The following TLE3 variants were observed in gnomAD, a reference collection of about 807,000 sequenced individuals.
TLE3 encodes TLE family member 3, transcriptional corepressor, also known as transducin-like enhancer protein 3.
In TLE3, 14 loss-of-function variants were observed where a neutral mutation model predicts 93.0. The observed-to-expected ratio is 0.15, with a 90% confidence interval of 0.10 to 0.24. The LOEUF is 0.24. TLE3 is among the 10% of genes least tolerant of loss of function. The pLI is 1.00. For synonymous variants in TLE3, 451 were observed against 425.0 expected (o/e 1.06, Z -0.75); for missense variants, 693 against 1,046.6 (o/e 0.66, Z 4.66).
At position 70,095,556 on chromosome 15, in the gene TLE3, C is replaced by A. The variant is rs533117043; in HGVS notation, c.189+22G>T. On this transcript the variant is annotated intron_variant, in intron 3 of 19. Coordinates refer to ENST00000451782, the MANE Select transcript of TLE3 (RefSeq NM_001105192.3). ...CGGGGTCGGCGCCCCAACCGCCCCC[C>A]AGGCCCGCGGCCGCATCTCACCATC... The A allele has an allele frequency of 2.1e-4, 319 of 1,549,826 alleles. No individual in the cohort carries two copies. The African/African-American group carries it at 3.8e-3, about 19-fold the overall frequency.
intron 6 of TLE3, among the ~76,000 whole-genome samples, chr15:70,069,107 A>G (rs1472809679): frequency 6.6e-6 from 1 of 152,248 alleles, no homozygotes; most frequent in African/African-American, 2.4e-5. Flanking sequence ...TGTGAGTTCC[A>G]GAAACAGAGA....
At chr15:70,067,424 G>C (rs1416455321) in intron 6 of TLE3, among the ~76,000 whole-genome samples, 3 of 152,162 alleles carry the variant, frequency 2.0e-5, no homozygotes, top group Non-Finnish European at 4.4e-5. Flanking sequence ...ATGCTTAGGG[G>C]GCTGGAGTAG....
At position 70,082,336 on chromosome 15, in the gene TLE3, G is replaced by A. The variant is rs374020530; in HGVS notation, c.235-6178C>T. On this transcript the variant is annotated intron_variant, in intron 4 of 19. Transcript: ENST00000451782. ...AGAGGAAGAAATCCATGGGGGGGCC[G>A]GGGGACAGCCAACAAAAGCTGGGGT... Among the ~76,000 whole-genome samples, 452 of 152,080 alleles carry A rather than the reference G, an allele frequency of 3.0e-3. 4 individuals carry two copies. The highest frequency in any genetic ancestry group is 0.017 in the South Asian group (84 of 4,818).
Position 70,096,886 on chromosome 15 carries a change from CG to C in TLE3, c.-89del. On this transcript the variant is annotated 5_prime_UTR_variant, in exon 1 of 20. Coordinates refer to ENST00000451782, the MANE Select transcript of TLE3 (RefSeq NM_001105192.3). ...GGGGGAGGGGGGAGCCGAGCCCGAG[CG>C]GGGGGCGGCCGGGAAACCGAGAGCT... 1.4e-6 allele frequency: 2 copies of C among 1,456,278 alleles called. No individual in the cohort carries two copies. Among genetic ancestry groups the C allele is most frequent in the South Asian group, 1.2e-5 (1 of 83,246 alleles). 90.2% of individuals were successfully genotyped at this position (1,456,278 alleles called of 1,614,324 possible). A position where few individuals can be genotyped will look rare whatever the true frequency, so the allele number is the denominator to read the frequency against.
chr15:70,078,817 G>A (rs956879459), intron 4 of TLE3, among the ~76,000 whole-genome samples: 3 of 152,198 alleles, frequency 2.0e-5, no homozygotes, highest in Non-Finnish European at 4.4e-5. Context: ...GGCCTCCTCA[G>A]CAACTATTAA....
rs1213908929 is a variant in TLE3 at position 70,053,675 on chromosome 15, G to C, written c.1827-301C>G. ...TGAGTCCCTCCAGGGTGGGCCTCTGGAGGAGGTGGAGCTGGAGGCTCAGGA... is the reference window on the plus strand; with the variant it reads ...TGAGTCCCTCCAGGGTGGGCCTCTGCAGGAGGTGGAGCTGGAGGCTCAGGA... On this transcript the variant is annotated intron_variant, in intron 16 of 19. Transcript: ENST00000451782. The C allele has an allele frequency of 1.7e-5, 4 of 231,842 alleles. No individual in the cohort carries two copies. The East Asian group carries it at 3.5e-4, about 20-fold the overall frequency. 14.4% of individuals were successfully genotyped at this position (231,842 alleles called of 1,614,324 possible). A position where few individuals can be genotyped will look rare whatever the true frequency, so the allele number is the denominator to read the frequency against.
chr15:70,095,707 A>G (rs2058521755), intron 2 of TLE3, 66 bp from the exon 3 acceptor site: 10 of 1,530,798 alleles, frequency 6.5e-6, no homozygotes, highest in Non-Finnish European at 8.8e-6. Context: ...GCCCCGACCC[A>G]AGGGCCTCTA....
In TLE3 at chr15:70,058,723, G is replaced by A; in HGVS notation, c.858C>T (p.Ser286=). 1 of 1,609,926 alleles carries A rather than the reference G, an allele frequency of 6.2e-7. No individual in the cohort carries two copies. The highest frequency in any genetic ancestry group is 1.1e-5 in the South Asian group (1 of 90,056). Residue 286 remains serine (S), a synonymous_variant, in exon 11 of 20, where the codon AGC becomes AGT. Transcript: ENST00000451782. The surrounding 1 kb of genome is among the most constrained non-coding windows in gnomAD (Gnocchi z 4.1). ...TACTGGAAGAGGCCACCGAGGCAGGGCTGGTGGGGGCATCTTTTTTCAGGC... is the reference window on the plus strand; with the variant it reads ...TACTGGAAGAGGCCACCGAGGCAGGACTGGTGGGGGCATCTTTTTTCAGGC... ...ARSLKKDAPT[S]PASVASSSST...
In TLE3 at chr15:70,060,821, C is replaced by T. The variant is rs1403787696; in HGVS notation, c.595-172G>A. The T allele has an allele frequency of 5.3e-6, 6 of 1,128,124 alleles. No individual in the cohort carries two copies. The African/African-American group carries it at 7.7e-5, about 14-fold the overall frequency. The allele number at this position is 1,128,124 out of a possible 1,614,324, so 69.9% of individuals were successfully genotyped here. On this transcript the variant is annotated intron_variant, in intron 8 of 19. Transcript: ENST00000451782. ...TCAGAGCCTTGCCAGGGAAGCCTTC[C>T]CCACTCCCCTGAGACTGAGTCCCCG...
chr15:70,059,255 C>T (rs2056303196), intron 10 of TLE3, among the ~76,000 whole-genome samples, 155 bp downstream of exon 10: 1 of 151,998 alleles, frequency 6.6e-6, no homozygotes, highest in Non-Finnish European at 1.5e-5. Context: ...CTGCCCTGCT[C>T]CTCTTGACCC....
chr15:70,072,191 G>A (rs1595932649), intron 6 of TLE3, among the ~76,000 whole-genome samples: 1 of 152,176 alleles, frequency 6.6e-6, no homozygotes, highest in African/African-American at 2.4e-5. Context: ...GCCTCGAGCT[G>A]CCTCGACCTA....
intron 13 of TLE3, among the ~76,000 whole-genome samples, chr15:70,057,132 A>G (rs2056112534): frequency 6.6e-6 from 1 of 152,220 alleles, no homozygotes; most frequent in South Asian, 2.1e-4. Flanking sequence ...CTCCATGGAC[A>G]TCACCTGACT....
At chr15:70,071,243 G>C (rs1028071129) in intron 6 of TLE3, among the ~76,000 whole-genome samples, 2 of 152,134 alleles carry the variant, frequency 1.3e-5, no homozygotes, top group Non-Finnish European at 2.9e-5. Flanking sequence ...TTGGATCCAA[G>C]AAGCATGTAA....
chr15:70,088,013 C>T (rs1221474903), intron 4 of TLE3, among the ~76,000 whole-genome samples: 4 of 152,172 alleles, frequency 2.6e-5, no homozygotes, highest in African/African-American at 9.7e-5. Flanking sequence ...ATCAACTCTG[C>T]AGCAAACAGC....
At chr15:70,095,851 A>C in intron 2 of TLE3, 2 of 656,074 alleles carry the variant, frequency 3.0e-6, no homozygotes, top group South Asian at 3.9e-5. Flanking sequence ...CGCGAGCCAA[A>C]GGACTTATCA....
chr15:70,064,524 A>C, intron 7 of TLE3, 54 bp from the exon 8 acceptor site: 1 of 1,612,808 alleles, frequency 6.2e-7, no homozygotes, highest in Non-Finnish European at 8.5e-7. Context: ...CAAAACAAAA[A>C]GACAAAAAAG....
chr15:70,071,366 G>A (rs576555367), intron 6 of TLE3, among the ~76,000 whole-genome samples: 1 of 152,260 alleles, frequency 6.6e-6, no homozygotes, highest in Non-Finnish European at 1.5e-5. Flanking sequence ...CAGCAGGGGA[G>A]TGGGTAGGCT....
At chr15:70,080,751 T>G (rs2057734241) in intron 4 of TLE3, among the ~76,000 whole-genome samples, 1 of 152,192 alleles carries the variant, frequency 6.6e-6, no homozygotes, top group South Asian at 2.1e-4. Context: ...AACCACAGTC[T>G]AGTATTCACG....
intron 4 of TLE3, among the ~76,000 whole-genome samples, chr15:70,076,966 C>A (rs1297059454): frequency 6.6e-6 from 1 of 152,196 alleles, no homozygotes; most frequent in Non-Finnish European, 1.5e-5. Context: ...GATCTGCCCA[C>A]CTTGGCCTCC....
Sources: allele counts gnomAD v4.1 joint callset (sites outside exome capture counted in the v4.1 genomes callset), GRCh38; gene constraint gnomAD v4.1.1; non-coding constraint Gnocchi (gnomAD v3.1); transcripts MANE v1.5; gene names NCBI Gene and HGNC (gene_info 2026-07-23, HGNC 2026-07-21).